LARS2: variants seen among roughly 807,000 people sequenced by gnomAD.
LARS2 encodes leucyl-tRNA synthetase 2, mitochondrial.
LARS2 carries 81 observed loss-of-function variants against 116.6 expected under a neutral mutation model. That is an observed-to-expected ratio of 0.69 (90% CI 0.58 to 0.84). The LOEUF is 0.84. LARS2 is among the 40% of genes least tolerant of loss of function. The pLI is 0.00. For synonymous variants in LARS2, 396 were observed against 407.2 expected (o/e 0.97, Z 0.33); for missense variants, 968 against 1,114.5 (o/e 0.87, Z 1.87).
At chr3:45,483,840 A>G (rs1475922117) in intron 10 of LARS2, 1 of 152,094 alleles carries the variant, frequency 6.6e-6, no homozygotes, top group East Asian at 1.9e-4. Flanking sequence ...GTGCTTCCTG[A>G]CACCCAAGGT....
rs1036542928 is a variant in LARS2 at position 45,488,617 on chromosome 3, C to G, written c.1124-80C>G. 4.9e-6 allele frequency: 4 copies of G among 819,990 alleles called. No homozygotes were observed. The African/African-American group carries it at 6.7e-5, about 14-fold the overall frequency. 50.8% of individuals were successfully genotyped at this position (819,990 alleles called of 1,614,324 possible). A position where few individuals can be genotyped will look rare whatever the true frequency, so the allele number is the denominator to read the frequency against. ...AGATAGTCTCCTTTAAGAAGCTAAACCTGGGTGTCAGTACTGTCAGTTGTT... is the reference window on the plus strand; with the variant it reads ...AGATAGTCTCCTTTAAGAAGCTAAAGCTGGGTGTCAGTACTGTCAGTTGTT... On this transcript the variant is annotated intron_variant, in intron 11 of 21. Transcript: ENST00000645846.
intron 6 of LARS2, among the ~76,000 whole-genome samples, chr3:45,444,170 A>G (rs1437099279): frequency 2.9e-5 from 1 of 34,038 alleles, no homozygotes; most frequent in African/African-American, 4.2e-5. Context: ...ATTCCTGGCT[A>G]ATTTTTTTTT....
chr3:45,487,443 T>A (rs1056918965), intron 11 of LARS2, among the ~76,000 whole-genome samples: 27 of 152,304 alleles, frequency 1.8e-4, no homozygotes, highest in African/African-American at 6.3e-4. Context: ...CAACCACTGT[T>A]TTAGGGCATT....
chr3:45,407,788 G>T (rs920223346), intron 4 of LARS2, among the ~76,000 whole-genome samples: 1 of 152,116 alleles, frequency 6.6e-6, no homozygotes, highest in African/African-American at 2.4e-5. Flanking sequence ...AATCCCTAGA[G>T]AACTGGTTGG....
chr3:45,405,344 C>T (rs1698217903), intron 4 of LARS2, among the ~76,000 whole-genome samples: 1 of 152,158 alleles, frequency 6.6e-6, no homozygotes. Context: ...TCCTAACAGC[C>T]TATAAGATAA....
chr3:45,494,089 GCTGGGTT>G (rs1699969122), intron 13 of LARS2, among the ~76,000 whole-genome samples: 1 of 152,160 alleles, frequency 6.6e-6, no homozygotes, highest in Admixed American at 6.5e-5. Flanking sequence ...GTGGTAGGAA[GCTGGGTT>G]CCCCGAGGGC....
chr3:45,533,803 T>C (rs902557796), intron 20 of LARS2, among the ~76,000 whole-genome samples: 1 of 152,178 alleles, frequency 6.6e-6, no homozygotes, highest in African/African-American at 2.4e-5. Flanking sequence ...TGTGACCAGA[T>C]CTCCAACAGG....
intron 18 of LARS2, among the ~76,000 whole-genome samples, chr3:45,518,886 A>G (rs1443515753): frequency 6.6e-6 from 1 of 152,108 alleles, no homozygotes; most frequent in Admixed American, 6.5e-5. Flanking sequence ...TTATTTGTTG[A>G]CACTTCTTCA....
At chr3:45,513,901 T>A (rs187647924) in intron 16 of LARS2, among the ~76,000 whole-genome samples, 29 of 152,214 alleles carry the variant, frequency 1.9e-4, no homozygotes, top group African/African-American at 6.3e-4. Context: ...GTGGAATATA[T>A]GACATGTTAG....
rs1700359386 is a variant in LARS2, at chr3:45,515,591, A to G, written c.1862-503A>G. Reference sequence around the variant, plus strand: ...AAAGAATAGGGTGTGGGTGGCTGGCACCACAAAGGGACCAACACATTTACC... The same window carrying G: ...AAAGAATAGGGTGTGGGTGGCTGGCGCCACAAAGGGACCAACACATTTACC... On this transcript the variant is annotated intron_variant, in intron 16 of 21. Transcript: ENST00000645846. 2.0e-5 allele frequency among the ~76,000 whole-genome samples: 3 copies of G among 152,288 alleles called. No individual in the cohort carries two copies. The South Asian group carries it at 6.2e-4, about 32-fold the overall frequency.
chr3:45,403,193 T>C (rs1193007913), intron 4 of LARS2, among the ~76,000 whole-genome samples: 2 of 152,116 alleles, frequency 1.3e-5, no homozygotes, highest in Non-Finnish European at 2.9e-5. Flanking sequence ...GACAATTCTT[T>C]ATCTCACTGT....
At chr3:45,501,778 G>A (rs1700126519) in intron 15 of LARS2, among the ~76,000 whole-genome samples, 2 of 152,152 alleles carry the variant, frequency 1.3e-5, no homozygotes, top group African/African-American at 4.8e-5. Flanking sequence ...GATTACCTAA[G>A]CCTATACTCC....
intron 8 of LARS2, among the ~76,000 whole-genome samples, chr3:45,469,120 G>A (rs1045948635): frequency 6.6e-6 from 1 of 152,172 alleles, no homozygotes; most frequent in African/African-American, 2.4e-5. Flanking sequence ...TCCCTGCTGG[G>A]TTAACAGCAC....
chr3:45,400,642 G>A (rs1698130967), intron 4 of LARS2, among the ~76,000 whole-genome samples: 1 of 152,128 alleles, frequency 6.6e-6, no homozygotes. Context: ...TACAAATGTG[G>A]ATAACACTGA....
At chr3:45,429,110 G>C (rs1698648009) in intron 6 of LARS2, among the ~76,000 whole-genome samples, 1 of 152,086 alleles carries the variant, frequency 6.6e-6, no homozygotes, top group Non-Finnish European at 1.5e-5. Flanking sequence ...CTCTAGATAA[G>C]TCCCCTGCAT....
rs557653103 is a variant in LARS2 at position 45,544,761 on chromosome 3, G to A, written c.2533-2590G>A. Among the ~76,000 whole-genome samples the A allele has an allele frequency of 2.0e-5, 3 of 152,314 alleles. No homozygotes were observed. The South Asian group carries it at 6.2e-4, about 32-fold the overall frequency. The stretch of plus-strand genomic sequence containing the variant: ...TCAGCGTTGCCACTTCTGGCAGTTG[G>A]AGAATCAGAAAATACGTTATGAGGA... On this transcript the variant is annotated intron_variant, in intron 21 of 21. Coordinates refer to ENST00000645846, the MANE Select transcript of LARS2 (RefSeq NM_015340.4).
intron 10 of LARS2, among the ~76,000 whole-genome samples, chr3:45,479,042 C>T (rs535058424): frequency 8.5e-5 from 13 of 152,104 alleles, no homozygotes; most frequent in Admixed American, 7.2e-4. Context: ...AAGCAGTGAC[C>T]ACCGAGTGTC....
intron 6 of LARS2, among the ~76,000 whole-genome samples, chr3:45,435,254 G>A (rs558803987): frequency 2.6e-5 from 4 of 152,256 alleles, no homozygotes; most frequent in Middle Eastern, 3.4e-3. Context: ...GGGGGTAGGA[G>A]TCCAGACTTG....
chr3:45,494,574 G>A lies in LARS2; in HGVS notation c.1524-1701G>A, dbSNP rs917202805. ...GCTTCCCACTGCCACAGAAGGCCCT[G>A]TTGATAGCTGGTCCTACCCATCAGA... On this transcript the variant is annotated intron_variant, in intron 13 of 21. Coordinates refer to ENST00000645846, the MANE Select transcript of LARS2 (RefSeq NM_015340.4). 2.0e-5 allele frequency among the ~76,000 whole-genome samples: 3 copies of A among 152,314 alleles called. No individual in the cohort carries two copies. In the East Asian group the frequency reaches 5.8e-4, roughly 29 times the overall value.
Sources: gnomAD v4.1 joint callset for allele counts (sites outside exome capture counted in the v4.1 genomes callset) on GRCh38, gnomAD v4.1.1 for gene constraint, MANE v1.5 for transcripts, NCBI Gene and HGNC (gene_info 2026-07-23, HGNC 2026-07-21) for gene names.